Variants in AFF3 observed in about 807,000 individuals in gnomAD.
AFF3 encodes ALF transcription elongation factor 3, also known as AF4/FMR2 family member 3.
A neutral mutation model predicts 129.7 loss-of-function variants in AFF3; 32 were observed. That is an observed-to-expected ratio of 0.25 (90% CI 0.19 to 0.33). The LOEUF is 0.33. Ranked by LOEUF, AFF3 falls within the 10% of genes least tolerant of loss-of-function variation. AFF3 has a pLI of 1.00. For synonymous variants in AFF3, 644 were observed against 635.4 expected (o/e 1.01, Z -0.20); for missense variants, 1,373 against 1,592.0 (o/e 0.86, Z 2.34).
intron 14 of AFF3, among the ~76,000 whole-genome samples, chr2:99,594,618 A>G (rs1679105857): frequency 6.6e-6 from 1 of 152,210 alleles, no homozygotes. Context: ...ATATAATTAT[A>G]TGTACATATG....
intron 8 of AFF3, among the ~76,000 whole-genome samples, chr2:99,803,638 A>T (rs1018402354): frequency 4.6e-5 from 7 of 152,222 alleles, no homozygotes; most frequent in Non-Finnish European, 8.8e-5. Context: ...ATCCTAAGCA[A>T]AAAGAACAAA....
chr2:99,972,972 G>A (rs905001428), intron 7 of AFF3, among the ~76,000 whole-genome samples: 1 of 152,184 alleles, frequency 6.6e-6, no homozygotes, highest in Non-Finnish European at 1.5e-5. Flanking sequence ...TAAATGGTTA[G>A]GAATAGATGG....
intron 7 of AFF3, among the ~76,000 whole-genome samples, chr2:99,880,432 T>C (rs1317331996): frequency 6.6e-6 from 1 of 152,114 alleles, no homozygotes; most frequent in Non-Finnish European, 1.5e-5. Flanking sequence ...CCTGACCTTT[T>C]ATAAAACCTC....
intron 12 of AFF3, among the ~76,000 whole-genome samples, chr2:99,660,776 G>T (rs1686163438): frequency 6.6e-6 from 1 of 152,164 alleles, no homozygotes; most frequent in Non-Finnish European, 1.5e-5. Context: ...CCACTATCTG[G>T]TCTGCTTCTT....
chr2:99,700,143 C>T (rs1051466229), intron 11 of AFF3, among the ~76,000 whole-genome samples: 22 of 148,840 alleles, frequency 1.5e-4, no homozygotes, highest in East Asian at 3.9e-4. Context: ...TTTTTTGAGA[C>T]GAAGTCTCGC....
chr2:99,699,691 CACAAA>C, intron 11 of AFF3, among the ~76,000 whole-genome samples: 1 of 152,158 alleles, frequency 6.6e-6, no homozygotes, highest in Non-Finnish European at 1.5e-5. Context: ...TCAATTCACA[CACAAA>C]AGTGCAAAAC....
intron 7 of AFF3, among the ~76,000 whole-genome samples, chr2:99,859,619 T>C (rs927253591): frequency 1.3e-4 from 20 of 152,268 alleles, no homozygotes; most frequent in Non-Finnish European, 8.8e-5. Flanking sequence ...TTGTTTTCTA[T>C]GTGTTCATTT....
At chr2:99,955,180 G>C (rs1407999790) in intron 7 of AFF3, among the ~76,000 whole-genome samples, 1 of 152,072 alleles carries the variant, frequency 6.6e-6, no homozygotes, top group Non-Finnish European at 1.5e-5. Flanking sequence ...TTATCACCAA[G>C]GTGATGTAGT....
chr2:99,572,730 T>C (rs1486789743), intron 18 of AFF3: 4 of 435,640 alleles, frequency 9.2e-6, no homozygotes, highest in East Asian at 1.4e-4. Flanking sequence ...TTGAGGAGAA[T>C]GCATAAGAAA....
intron 4 of AFF3, among the ~76,000 whole-genome samples, chr2:100,052,987 TG>T (rs2105157942): frequency 6.6e-6 from 1 of 152,214 alleles, no homozygotes; most frequent in East Asian, 1.9e-4. Context: ...TTAAAAGGTG[TG>T]GGGAAATGTG....
intron 1 of AFF3, among the ~76,000 whole-genome samples, chr2:100,130,730 A>C (rs1360271086): frequency 6.6e-6 from 1 of 152,198 alleles, no homozygotes; most frequent in African/African-American, 2.4e-5. Flanking sequence ...TGATGAGATC[A>C]CTGGGCTGCC....
At chr2:99,798,716 A>C (rs1398119700) in intron 8 of AFF3, among the ~76,000 whole-genome samples, 8 of 152,058 alleles carry the variant, frequency 5.3e-5, no homozygotes, top group Non-Finnish European at 8.8e-5. Context: ...AGTTTATATC[A>C]CATTGTCTAA....
chr2:100,030,031 C>A (rs1206689250), intron 4 of AFF3, among the ~76,000 whole-genome samples: 1 of 151,862 alleles, frequency 6.6e-6, no homozygotes, highest in African/African-American at 2.4e-5. Flanking sequence ...CATGCCACTG[C>A]ACGCCATCCT....
chr2:99,948,382 C>T (rs548447516), intron 7 of AFF3, among the ~76,000 whole-genome samples: 2 of 152,270 alleles, frequency 1.3e-5, no homozygotes, highest in Non-Finnish European at 2.9e-5. Flanking sequence ...CATAGTGCCT[C>T]GGGTTCCATC....
chr2:99,902,485 C>G (rs1314389192), intron 7 of AFF3, among the ~76,000 whole-genome samples: 2 of 152,126 alleles, frequency 1.3e-5, no homozygotes. Context: ...ATGCAGGTGT[C>G]CCTCGTCAAG....
chr2:100,007,570 G>A lies in AFF3; in HGVS notation c.175-110C>T. Reference sequence around the variant, plus strand: ...GAGCCAGGGTTGTCACATGCAGAATGAGAGCTGAGAGATGAAATCGAAATC... The same window carrying A: ...GAGCCAGGGTTGTCACATGCAGAATAAGAGCTGAGAGATGAAATCGAAATC... On this transcript the variant is annotated intron_variant, in intron 5 of 24. Transcript: ENST00000672756. The A allele has an allele frequency of 3.1e-6, 3 of 964,106 alleles. No individual in the cohort carries two copies. The South Asian group carries it at 4.8e-5, about 15-fold the overall frequency. The allele number at this position is 964,106 out of a possible 1,614,324, so 59.7% of individuals were successfully genotyped here.
intron 4 of AFF3, among the ~76,000 whole-genome samples, chr2:100,094,317 T>C (rs1690108762): frequency 1.3e-5 from 2 of 151,970 alleles, no homozygotes; most frequent in African/African-American, 4.8e-5. Context: ...CCTGAGTTTG[T>C]TTTCCTGCAA....
intron 10 of AFF3, among the ~76,000 whole-genome samples, chr2:99,743,452 G>A (rs1239860332): frequency 6.6e-6 from 1 of 152,186 alleles, no homozygotes; most frequent in Non-Finnish European, 1.5e-5. Flanking sequence ...CTTTGTGAGT[G>A]TGCTTTTAGG....
At chr2:99,559,184 A>C (rs1320714480) in intron 21 of AFF3, among the ~76,000 whole-genome samples, 1 of 152,258 alleles carries the variant, frequency 6.6e-6, no homozygotes, top group African/African-American at 2.4e-5. Context: ...AAATACATTT[A>C]TCACTAGATA....
Sources: gnomAD v4.1 joint callset for allele counts (sites outside exome capture counted in the v4.1 genomes callset) on GRCh38, gnomAD v4.1.1 for gene constraint, MANE v1.5 for transcripts, NCBI Gene and HGNC (gene_info 2026-07-23, HGNC 2026-07-21) for gene names.